HABP4: variants seen among roughly 807,000 people sequenced by gnomAD.
HABP4 encodes intracellular hyaluronan-binding protein 4.
HABP4 carries 32 observed loss-of-function variants against 44.1 expected under a neutral mutation model. The observed-to-expected ratio is 0.73, with a 90% CI of 0.55 to 0.97. The LOEUF (loss-of-function observed/expected upper bound fraction) is 0.97, where lower values mean the gene tolerates loss of function less well. Among genes scored for constraint, HABP4 ranks in the 50% least tolerant of loss-of-function variants. The pLI, the probability that HABP4 is intolerant of heterozygous loss-of-function variation, is 0.00. For missense variants in HABP4, 503 were observed against 561.9 expected (o/e 0.90, Z 1.06); for synonymous variants, 216 against 218.0 (o/e 0.99, Z 0.08).
intron 1 of HABP4, among the ~76,000 whole-genome samples, chr9:96,457,220 G>A (rs977529644): frequency 2.6e-5 from 4 of 152,034 alleles, no homozygotes; most frequent in African/African-American, 9.7e-5. Context: ...TACAACATTA[G>A]CCAGGCGTGG....
chr9:96,488,214 C>G lies in HABP4; in HGVS notation c.1125C>G (p.Thr375=). The G allele has an allele frequency of 6.2e-7, 1 of 1,613,756 alleles. No individual in the cohort carries two copies. The highest frequency in any genetic ancestry group is 8.5e-7 in the Non-Finnish European group (1 of 1,179,680). The change falls in exon 7 of 8, where the codon ACC becomes ACG. Residue 375 remains threonine, a synonymous_variant. Coordinates refer to ENST00000375249, the MANE Select transcript of HABP4 (RefSeq NM_014282.4). The surrounding 1 kb of genome is among the most constrained non-coding windows in gnomAD (Gnocchi z 4.6). ...PRPGRGARGG[T]RGGRGRIRRA... ...CTGGGCGTGGAGCCAGAGGAGGCAC[C>G]CGGGGAGGCCGGGGAAGGATCAGGA... is the stretch of plus-strand genomic sequence containing the variant.
chr9:96,466,730 AGAG>A (rs1832606906), intron 4 of HABP4, among the ~76,000 whole-genome samples: 1 of 152,146 alleles, frequency 6.6e-6, no homozygotes, highest in Non-Finnish European at 1.5e-5. Flanking sequence ...TCTGCTAGTT[AGAG>A]TGGATACATG....
At chr9:96,463,250 T>G (rs1832537245) in intron 2 of HABP4, among the ~76,000 whole-genome samples, 1 of 151,686 alleles carries the variant, frequency 6.6e-6, no homozygotes. Flanking sequence ...CTAGCCTGCT[T>G]TAGTTTTTTT....
chr9:96,487,038 A>G (rs778073135), intron 6 of HABP4, among the ~76,000 whole-genome samples: 59 of 152,004 alleles, frequency 3.9e-4, no homozygotes, highest in Admixed American at 9.2e-4. Context: ...ACAGAATGCC[A>G]GTGCTCCTGG....
intron 2 of HABP4, among the ~76,000 whole-genome samples, chr9:96,464,712 G>A (rs1382494227): frequency 1.3e-5 from 2 of 152,184 alleles, no homozygotes; most frequent in East Asian, 3.9e-4. Flanking sequence ...GAAGACAAAA[G>A]TTGCTATTGG....
intron 4 of HABP4, among the ~76,000 whole-genome samples, chr9:96,466,414 A>T (rs1056340075): frequency 6.6e-6 from 1 of 152,104 alleles, no homozygotes; most frequent in Non-Finnish European, 1.5e-5. Flanking sequence ...ATTATTTTTT[A>T]AAATGGTGAC....
At chr9:96,453,357 A>G (rs1037991388) in intron 1 of HABP4, among the ~76,000 whole-genome samples, 4 of 151,854 alleles carry the variant, frequency 2.6e-5, no homozygotes, top group African/African-American at 9.7e-5. Context: ...TACAGGTGTG[A>G]GCTACTGTGC....
chr9:96,485,382 A>G (rs1022202020), intron 6 of HABP4, among the ~76,000 whole-genome samples: 1 of 152,186 alleles, frequency 6.6e-6, no homozygotes, highest in African/African-American at 2.4e-5. Context: ...ACTGTGGTTG[A>G]GGTTCCATGC....
Position 96,490,265 on chromosome 9 carries a change from G to T in HABP4, c.*227G>T. On this transcript the variant is annotated 3_prime_UTR_variant, in exon 8 of 8. Transcript: ENST00000375249. ...GAATGGTGACTGTGTTTTTATTGAAGGAATTTCAAATGAAGAATAATGTTT... is the reference window on the plus strand; with the variant it reads ...GAATGGTGACTGTGTTTTTATTGAATGAATTTCAAATGAAGAATAATGTTT... 1.8e-6 allele frequency: 1 copy of T among 566,446 alleles called. No individual in the cohort carries two copies. Among genetic ancestry groups the T allele is most frequent in the Non-Finnish European group, 3.1e-6 (1 of 318,206 alleles). The allele number at this position is 566,446 out of a possible 1,614,324, so 35.1% of individuals were successfully genotyped here. A position where few individuals can be genotyped will look rare whatever the true frequency, so the allele number is the denominator to read the frequency against.
chr9:96,482,096 C>T (rs1271197836), intron 5 of HABP4, among the ~76,000 whole-genome samples: 7 of 151,980 alleles, frequency 4.6e-5, no homozygotes, highest in Non-Finnish European at 7.4e-5. Flanking sequence ...CCACTACACC[C>T]GGCTAATTTT....
chr9:96,457,274 G>A (rs1832410905), intron 1 of HABP4, among the ~76,000 whole-genome samples: 2 of 152,104 alleles, frequency 1.3e-5, no homozygotes, highest in African/African-American at 2.4e-5. Flanking sequence ...CCGGGAGGCG[G>A]AGGTTGCAGT....
chr9:96,450,526 G>T lies in HABP4; in HGVS notation c.247G>T (p.Ala83Ser), dbSNP rs2131104359. The T allele has an allele frequency of 1.6e-6, 2 of 1,231,116 alleles. No homozygotes were observed. Among genetic ancestry groups the T allele is most frequent in the Non-Finnish European group, 2.0e-6 (2 of 986,422 alleles). 76.3% of individuals were successfully genotyped at this position (1,231,116 alleles called of 1,614,324 possible). A position where few individuals can be genotyped will look rare whatever the true frequency, so the allele number is the denominator to read the frequency against. The change falls in exon 1 of 8, where the codon GCC (alanine) becomes TCC (serine). Residue 83 changes from alanine (A) to serine (S), a missense_variant. By Grantham distance (99) the Ala-to-Ser change is moderately conservative (BLOSUM62 1). Transcript: ENST00000375249. This position sits in a 1 kb window ranked among gnomAD's most constrained non-coding sequence, Gnocchi z 4.8. ...RSPAGASGHR[A>S]GAGGRRESQK... The stretch of plus-strand genomic sequence containing the variant: ...CCCAGCCGGGGCCTCGGGCCACAGA[G>T]CCGGCGCGGGCGGCCGGAGGGAGTC...
At position 96,490,155 on chromosome 9, in the gene HABP4, G is replaced by A; in HGVS notation, c.*117G>A. The A allele has an allele frequency of 2.8e-6, 2 of 724,226 alleles. No individual in the cohort carries two copies. Among genetic ancestry groups the A allele is most frequent in the Non-Finnish European group, 5.0e-6 (2 of 402,992 alleles). The allele number at this position is 724,226 out of a possible 1,614,324, so 44.9% of individuals were successfully genotyped here. On this transcript the variant is annotated 3_prime_UTR_variant, in exon 8 of 8. Coordinates refer to ENST00000375249, the MANE Select transcript of HABP4 (RefSeq NM_014282.4). ...ATAGATGTTGCTTTTCCCGTGTCATGTAAATTTGTTGCACTTTTTTGGGCT... is the reference window on the plus strand; with the variant it reads ...ATAGATGTTGCTTTTCCCGTGTCATATAAATTTGTTGCACTTTTTTGGGCT...
intron 2 of HABP4, among the ~76,000 whole-genome samples, chr9:96,462,034 T>C (rs1321494301): frequency 1.3e-5 from 2 of 151,336 alleles, no homozygotes; most frequent in Admixed American, 6.6e-5. Flanking sequence ...TAATCCCAGC[T>C]ACTCGGGAGG....
chr9:96,450,188 C>A lies in HABP4; in HGVS notation c.-92C>A. On this transcript the variant is annotated 5_prime_UTR_variant, in exon 1 of 8. Transcript: ENST00000375249. The surrounding 1 kb of genome is among the most constrained non-coding windows in gnomAD (Gnocchi z 4.8). ...CAGGGTAGGGCCCGGAGGGCGGTGG[C>A]GGCGGAGCGGGCGGCATGGGTCCTG... The A allele has an allele frequency of 2.5e-6, 3 of 1,188,292 alleles. No homozygotes were observed. Among genetic ancestry groups the A allele is most frequent in the Non-Finnish European group, 3.1e-6 (3 of 954,138 alleles). The allele number at this position is 1,188,292 out of a possible 1,614,324, so 73.6% of individuals were successfully genotyped here.
chr9:96,463,199 G>C (rs1832535893), intron 2 of HABP4, among the ~76,000 whole-genome samples: 1 of 152,068 alleles, frequency 6.6e-6, no homozygotes, highest in Non-Finnish European at 1.5e-5. Context: ...AACTGCGTTG[G>C]CCTCCCAAAG....
Position 96,465,740 on chromosome 9 carries a change from A to G in HABP4, c.705A>G (p.Gly235=), listed in dbSNP as rs1832589595. The G allele has an allele frequency of 3.7e-6, 6 of 1,605,720 alleles. No individual in the cohort carries two copies. The highest frequency in any genetic ancestry group is 3.4e-6 in the Non-Finnish European group (4 of 1,172,474). Residue 235 remains glycine, a synonymous_variant, in exon 4 of 8, where the codon GGA becomes GGG. Coordinates refer to ENST00000375249, the MANE Select transcript of HABP4 (RefSeq NM_014282.4). ...IAVRTEDNMG[G]CGVRTWGSGK... The stretch of plus-strand genomic sequence containing the variant: ...TCAGAACTGAAGACAACATGGGTGG[A>G]TGTGGAGTTCGAACCTGGGGATCGG...
intron 1 of HABP4, 69 bp from the exon 2 acceptor site, chr9:96,458,310 T>C: frequency 7.2e-7 from 1 of 1,394,930 alleles, no homozygotes; most frequent in South Asian, 1.2e-5. Context: ...TACAAGTACC[T>C]GTAAAGTTTA....
chr9:96,478,509 T>C (rs929969207), intron 5 of HABP4, among the ~76,000 whole-genome samples: 7 of 152,170 alleles, frequency 4.6e-5, no homozygotes, highest in African/African-American at 1.2e-4. Flanking sequence ...GTGGAATGGT[T>C]GGACCAAATG....
Sources: gnomAD v4.1 joint callset for allele counts (sites outside exome capture counted in the v4.1 genomes callset) on GRCh38, gnomAD v4.1.1 for gene constraint, Gnocchi (gnomAD v3.1) non-coding constraint, MANE v1.5 for transcripts, NCBI Gene and HGNC (gene_info 2026-07-23, HGNC 2026-07-21) for gene names.